PCSK1: variants seen among roughly 807,000 people sequenced by gnomAD.
PCSK1 encodes neuroendocrine convertase 1.
In PCSK1, 56 loss-of-function variants were observed where a neutral mutation model predicts 90.6. The observed-to-expected ratio is 0.62, with a 90% confidence interval of 0.50 to 0.77. The LOEUF (loss-of-function observed/expected upper bound fraction) is 0.77, where lower values mean the gene tolerates loss of function less well. PCSK1 is among the 30% of genes least tolerant of loss of function. PCSK1 has a pLI of 0.00. For synonymous variants in PCSK1, 348 were observed against 342.4 expected, an observed-to-expected ratio of 1.02 and a Z score of -0.18; for missense variants, 801 against 932.6, an observed-to-expected ratio of 0.86 and a Z score of 1.84.
At chr5:96,414,941 G>A (rs747879878) in intron 6 of PCSK1, among the ~76,000 whole-genome samples, 1 of 152,048 alleles carries the variant, frequency 6.6e-6, no homozygotes, top group Non-Finnish European at 1.5e-5. Context: ...TATTTATTTG[G>A]TTTCTAAAAA....
intron 3 of PCSK1, 64 bp downstream of exon 3, chr5:96,425,756 A>T: frequency 1.1e-6 from 1 of 881,086 alleles, no homozygotes. Context: ...CATGTTGCAA[A>T]TGTAACAACA....
chr5:96,395,008 A>G lies in PCSK1; in HGVS notation c.1740T>C (p.Asn580=). ...GCTTCCAGTTCACAATTCTTCCTTC[A>G]TTTTGAATTCTTCCAGACTAACAAA... ...RITDMSGRIQ[N]EGRIVNWKLI... The change falls in exon 13 of 14, where the codon AAT becomes AAC. Residue 580 remains asparagine, a synonymous_variant. Coordinates refer to ENST00000311106, the MANE Select transcript of PCSK1 (RefSeq NM_000439.5). 3.1e-6 allele frequency: 5 copies of G among 1,613,658 alleles called. No homozygotes were observed. Among genetic ancestry groups the G allele is most frequent in the Non-Finnish European group, 4.2e-6 (5 of 1,179,530 alleles).
At chr5:96,400,255 C>T (rs1056927278) in intron 9 of PCSK1, 69 bp from the exon 10 acceptor site, 1 of 996,736 alleles carries the variant, frequency 1.0e-6, no homozygotes, top group Non-Finnish European at 1.6e-6. Context: ...CAAGTGCTAA[C>T]AATAAGCATC....
At chr5:96,413,573 G>T (rs1167959748) in intron 6 of PCSK1, among the ~76,000 whole-genome samples, 1 of 152,090 alleles carries the variant, frequency 6.6e-6, no homozygotes, top group Non-Finnish European at 1.5e-5. Flanking sequence ...GCCGAGGTGG[G>T]TGGATCACTT....
intron 2 of PCSK1, among the ~76,000 whole-genome samples, chr5:96,428,510 G>A: frequency 6.6e-6 from 1 of 152,018 alleles, no homozygotes; most frequent in East Asian, 1.9e-4. Context: ...AAAATCAATA[G>A]GTACATTAGC....
chr5:96,423,000 A>C (rs538715936), intron 4 of PCSK1, among the ~76,000 whole-genome samples: 2 of 152,304 alleles, frequency 1.3e-5, no homozygotes, highest in South Asian at 4.1e-4. Flanking sequence ...TGATTTGATT[A>C]CTTTAATGCC....
intron 5 of PCSK1, among the ~76,000 whole-genome samples, chr5:96,419,447 C>T (rs6862073): frequency 2.0e-5 from 3 of 148,208 alleles, no homozygotes; most frequent in African/African-American, 7.4e-5. Flanking sequence ...CTCTCTCTCT[C>T]TATATATATA....
chr5:96,409,943 C>G (rs1324556321), intron 8 of PCSK1, among the ~76,000 whole-genome samples: 1 of 152,178 alleles, frequency 6.6e-6, no homozygotes, highest in East Asian at 1.9e-4. Flanking sequence ...AGGAATCTTG[C>G]ACGCATTCCA....
At chr5:96,420,183 G>A (rs2112435440) in intron 5 of PCSK1, among the ~76,000 whole-genome samples, 1 of 152,326 alleles carries the variant, frequency 6.6e-6, no homozygotes, top group Non-Finnish European at 1.5e-5. Context: ...ATAGGGAGAA[G>A]GTACGTTGTC....
At chr5:96,413,963 C>CAAAAA (rs61316405) in intron 6 of PCSK1, among the ~76,000 whole-genome samples, 1 of 22,436 alleles carries the variant, frequency 4.5e-5, no homozygotes, top group Non-Finnish European at 1.3e-4. Flanking sequence ...ACTAAAAATA[C>CAAAAA]AAAAAAAAAA....
At chr5:96,425,021 AAAG>A (rs1245877865) in intron 3 of PCSK1, among the ~76,000 whole-genome samples, 29 of 63,560 alleles carry the variant, frequency 4.6e-4, no homozygotes, top group Admixed American at 1.8e-3. Flanking sequence ...AGAAAGAAAG[AAAG>A]AAAGAAAGAA....
At chr5:96,408,403 A>C in intron 8 of PCSK1, 80 bp from the exon 9 acceptor site, 1 of 969,556 alleles carries the variant, frequency 1.0e-6, no homozygotes. Context: ...AACTGTACCA[A>C]AGGCTGCATC....
chr5:96,425,032 G>GAAAT (rs1347931327), intron 3 of PCSK1, among the ~76,000 whole-genome samples: 1 of 98,276 alleles, frequency 1.0e-5, no homozygotes, highest in African/African-American at 3.7e-5. Context: ...AAGAAAGAAA[G>GAAAT]AAAGAAAGAA....
intron 4 of PCSK1, 125 bp downstream of exon 4, chr5:96,423,188 A>T: frequency 1.1e-6 from 1 of 874,586 alleles, no homozygotes; most frequent in Non-Finnish European, 1.9e-6. Context: ...GAAGGGACAT[A>T]ACCTTGGCCC....
intron 9 of PCSK1, among the ~76,000 whole-genome samples, chr5:96,406,640 G>T (rs1167818906): frequency 2.0e-5 from 3 of 152,198 alleles, no homozygotes; most frequent in Non-Finnish European, 4.4e-5. Flanking sequence ...CTGGACAAAG[G>T]CTCAGGAACC....
At chr5:96,416,562 C>T (rs1054222816) in intron 5 of PCSK1, among the ~76,000 whole-genome samples, 1 of 152,176 alleles carries the variant, frequency 6.6e-6, no homozygotes, top group African/African-American at 2.4e-5. Flanking sequence ...ACTTTTCTCC[C>T]TAGTGACTGC....
At chr5:96,421,534 C>T (rs553072221) in intron 5 of PCSK1, among the ~76,000 whole-genome samples, 49 of 152,218 alleles carry the variant, frequency 3.2e-4, no homozygotes, top group African/African-American at 1.2e-3. Flanking sequence ...AAGCATGTTG[C>T]TAAGAGTAAA....
rs1760196334 is a variant in PCSK1 at position 96,397,461 on chromosome 5, T to C, written c.1597A>G (p.Thr533Ala). Residue 533 changes from threonine (T) to alanine (A), a missense_variant, in exon 12 of 14, where the codon ACT (threonine) becomes GCT (alanine). Physicochemically the swap from Thr to Ala is moderately conservative, Grantham distance 58. Coordinates refer to ENST00000311106, the MANE Select transcript of PCSK1 (RefSeq NM_000439.5). ...VTLTSAAGTS[T>A]VLLAERERDT... ...CGTTCTCTTTCAGCCAAGAGCACAGTGCTAGTTCCTATGAAACAAATACAA... is the reference window on the plus strand; with the variant it reads ...CGTTCTCTTTCAGCCAAGAGCACAGCGCTAGTTCCTATGAAACAAATACAA... 3.7e-6 allele frequency: 6 copies of C among 1,612,980 alleles called. No individual in the cohort carries two copies. The highest frequency in any genetic ancestry group is 2.7e-5 in the African/African-American group (2 of 75,012).
chr5:96,408,015 A>G (rs1321422639), intron 9 of PCSK1, among the ~76,000 whole-genome samples: 1 of 152,234 alleles, frequency 6.6e-6, no homozygotes, highest in Non-Finnish European at 1.5e-5. Context: ...GTCTATATTA[A>G]GATCCCAATT....
Sources: gnomAD v4.1 joint callset for allele counts (sites outside exome capture counted in the v4.1 genomes callset) on GRCh38, gnomAD v4.1.1 for gene constraint, MANE v1.5 for transcripts, NCBI Gene and HGNC (gene_info 2026-07-23, HGNC 2026-07-21) for gene names.